Variants in COMMD10 observed in about 807,000 individuals in gnomAD.
The protein encoded by COMMD10 is COMM domain-containing protein 10.
Under a neutral mutation model 28.9 loss-of-function variants are expected in COMMD10, and 33 were observed. The observed-to-expected ratio is 1.14, with a 90% CI of 0.87 to 1.53. The LOEUF (loss-of-function observed/expected upper bound fraction) is 1.53, where lower values mean the gene tolerates loss of function less well. Among genes scored for constraint, COMMD10 ranks in the 40% most tolerant of loss-of-function variants. COMMD10 has a pLI of 0.00. For missense variants in COMMD10, 310 were observed against 233.4 expected, an observed-to-expected ratio of 1.33 and a Z score of -2.14; for synonymous variants, 110 against 81.7, an observed-to-expected ratio of 1.35 and a Z score of -1.87.
intron 5 of COMMD10, among the ~76,000 whole-genome samples, chr5:116,196,780 A>G (rs1480531578): frequency 6.6e-6 from 1 of 152,122 alleles, no homozygotes; most frequent in African/African-American, 2.4e-5. Context: ...AAAAATAACT[A>G]ATATAGTATA....
intron 5 of COMMD10, among the ~76,000 whole-genome samples, chr5:116,221,081 C>CTTTT (rs70978610): frequency 7.0e-6 from 1 of 142,566 alleles, no homozygotes; most frequent in Non-Finnish European, 1.5e-5. Flanking sequence ...TTGAGATACT[C>CTTTT]TTTTTTTTTT....
chr5:116,254,984 G>A (rs1750239097), intron 5 of COMMD10, among the ~76,000 whole-genome samples: 1 of 151,536 alleles, frequency 6.6e-6, no homozygotes, highest in Non-Finnish European at 1.5e-5. Context: ...TGGTGCTCCT[G>A]TATTGGGTGC....
At chr5:116,175,277 C>T (rs942996520) in intron 5 of COMMD10, among the ~76,000 whole-genome samples, 13 of 151,944 alleles carry the variant, frequency 8.6e-5, no homozygotes, top group African/African-American at 3.1e-4. Context: ...AAAAAAATTG[C>T]TGCAGCTCAG....
At chr5:116,102,764 C>G (rs1419457421) in intron 4 of COMMD10, among the ~76,000 whole-genome samples, 3 of 151,986 alleles carry the variant, frequency 2.0e-5, no homozygotes, top group Non-Finnish European at 4.4e-5. Flanking sequence ...TTTGCTGCAC[C>G]CATCAACCCG....
At chr5:116,270,627 C>T (rs1429234383) in intron 5 of COMMD10, among the ~76,000 whole-genome samples, 3 of 151,650 alleles carry the variant, frequency 2.0e-5, no homozygotes, top group Non-Finnish European at 2.9e-5. Flanking sequence ...ATAATCATTC[C>T]CATTATATAA....
chr5:116,229,960 G>C (rs988337595), intron 5 of COMMD10, among the ~76,000 whole-genome samples: 2 of 149,604 alleles, frequency 1.3e-5, no homozygotes, highest in African/African-American at 4.9e-5. Flanking sequence ...TCATACCTGA[G>C]CCCCCCCAAA....
chr5:116,107,527 A>G (rs927596087), intron 4 of COMMD10, among the ~76,000 whole-genome samples: 7 of 151,624 alleles, frequency 4.6e-5, no homozygotes, highest in African/African-American at 1.7e-4. Context: ...TTCAGCTCCA[A>G]GAGGTCATTT....
chr5:116,183,427 T>A (rs1748039524), intron 5 of COMMD10, among the ~76,000 whole-genome samples: 2 of 152,148 alleles, frequency 1.3e-5, no homozygotes, highest in South Asian at 4.1e-4. Flanking sequence ...CTCATTAAAA[T>A]GAAATTCAAT....
intron 5 of COMMD10, among the ~76,000 whole-genome samples, chr5:116,163,677 G>T (rs1206162379): frequency 1.3e-5 from 2 of 152,090 alleles, no homozygotes; most frequent in Non-Finnish European, 2.9e-5. Flanking sequence ...ATAGTATATA[G>T]GGTTAATTTT....
chr5:116,202,385 C>CT (rs1175147372), intron 5 of COMMD10, among the ~76,000 whole-genome samples: 18 of 151,878 alleles, frequency 1.2e-4, no homozygotes, highest in African/African-American at 3.9e-4. Flanking sequence ...ATTTATAGTC[C>CT]TTTGGGTATA....
chr5:116,218,037 C>T, intron 5 of COMMD10: 2 of 1,095,846 alleles, frequency 1.8e-6, no homozygotes, highest in Non-Finnish European at 2.8e-6. Flanking sequence ...TTGGCACCTC[C>T]AGCACCTTCA....
chr5:116,250,520 T>G (rs1750081591), intron 5 of COMMD10, among the ~76,000 whole-genome samples: 1 of 151,724 alleles, frequency 6.6e-6, no homozygotes, highest in African/African-American at 2.4e-5. Context: ...GGGCTGAGCA[T>G]ACATGATGAC....
At chr5:116,274,443 A>G (rs1199822483) in intron 5 of COMMD10, among the ~76,000 whole-genome samples, 1 of 151,814 alleles carries the variant, frequency 6.6e-6, no homozygotes, top group Non-Finnish European at 1.5e-5. Context: ...ACCTTTATTT[A>G]CAAAAACTGA....
intron 5 of COMMD10, among the ~76,000 whole-genome samples, chr5:116,283,625 G>A (rs948504105): frequency 1.3e-5 from 2 of 151,514 alleles, no homozygotes; most frequent in Non-Finnish European, 2.9e-5. Context: ...GGTATTACAG[G>A]CTTAAGCCTC....
chr5:116,253,395 C>T (rs1439539769), intron 5 of COMMD10, among the ~76,000 whole-genome samples: 1 of 151,186 alleles, frequency 6.6e-6, no homozygotes, highest in Non-Finnish European at 1.5e-5. Flanking sequence ...GTGAAAGCTT[C>T]CAGTTTTTGC....
At chr5:116,143,903 A>G (rs1385023482) in intron 5 of COMMD10, among the ~76,000 whole-genome samples, 1 of 151,854 alleles carries the variant, frequency 6.6e-6, no homozygotes, top group Non-Finnish European at 1.5e-5. Context: ...ACATATGTTA[A>G]GCCAGTAAAT....
intron 4 of COMMD10, among the ~76,000 whole-genome samples, chr5:116,121,312 AATCCTTTTTT>A (rs752608066): frequency 6.6e-6 from 1 of 152,096 alleles, no homozygotes; most frequent in Non-Finnish European, 1.5e-5. Flanking sequence ...GACATGAACT[AATCCTTTTTT>A]ATGGCTGCAT....
chr5:116,098,455 C>A (rs1750537096), intron 4 of COMMD10, among the ~76,000 whole-genome samples: 1 of 152,098 alleles, frequency 6.6e-6, no homozygotes, highest in South Asian at 2.1e-4. Flanking sequence ...CGCAGCAGAT[C>A]AAGAATATTT....
chr5:116,151,836 T>G (rs1035347955), intron 5 of COMMD10, among the ~76,000 whole-genome samples: 1 of 152,110 alleles, frequency 6.6e-6, no homozygotes, highest in African/African-American at 2.4e-5. Context: ...TTTTGAAGGG[T>G]TTTTTGTGTC....
Sources: allele counts gnomAD v4.1 joint callset (sites outside exome capture counted in the v4.1 genomes callset), GRCh38; gene constraint gnomAD v4.1.1; transcripts MANE v1.5; gene names NCBI Gene and HGNC (gene_info 2026-07-23, HGNC 2026-07-21).